The following ZFHX3 variants were observed in gnomAD, a reference collection of about 807,000 sequenced individuals.
The protein encoded by ZFHX3 is zinc finger homeobox protein 3.
Under a neutral mutation model 279.1 loss-of-function variants are expected in ZFHX3, and 42 were observed. That is an observed-to-expected ratio of 0.15 (90% CI 0.12 to 0.19). The LOEUF (loss-of-function observed/expected upper bound fraction) is 0.19, where lower values mean the gene tolerates loss of function less well. Ranked by LOEUF, ZFHX3 falls within the 10% of genes least tolerant of loss-of-function variation. The pLI is 1.00. For synonymous variants in ZFHX3, 2,293 were observed against 1,957.8 expected (o/e 1.17, Z -4.52); for missense variants, 4,981 against 4,754.0 (o/e 1.05, Z -1.40).
At chr16:73,403,763 A>G (rs2017305125) in intron 3 of ZFHX3, among the ~76,000 whole-genome samples, 1 of 152,168 alleles carries the variant, frequency 6.6e-6, no homozygotes. Flanking sequence ...GACAGTGAGC[A>G]GTGTTTGTCT....
chr16:72,804,649 A>T (rs1365760037), intron 7 of ZFHX3, among the ~76,000 whole-genome samples: 1 of 152,160 alleles, frequency 6.6e-6, no homozygotes, highest in Non-Finnish European at 1.5e-5. Flanking sequence ...CTAAAGCCTC[A>T]AGGGCACACC....
intron 1 of ZFHX3, among the ~76,000 whole-genome samples, chr16:73,868,027 T>C (rs544256869): frequency 3.3e-5 from 5 of 152,158 alleles, no homozygotes; most frequent in Admixed American, 6.5e-5. Flanking sequence ...CCCTCGGAGC[T>C]CCCTTCTCCT....
intron 5 of ZFHX3, among the ~76,000 whole-genome samples, chr16:73,206,904 G>C (rs899593476): frequency 6.6e-6 from 1 of 151,908 alleles, no homozygotes; most frequent in Non-Finnish European, 1.5e-5. Flanking sequence ...TGTAGTTGCA[G>C]CTACTTGGGA....
chr16:72,864,756 A>G (rs778566169), intron 4 of ZFHX3, among the ~76,000 whole-genome samples: 2 of 152,200 alleles, frequency 1.3e-5, no homozygotes, highest in Admixed American at 6.5e-5. Context: ...GCTATGGCCT[A>G]TATCAGAATC....
intron 5 of ZFHX3, among the ~76,000 whole-genome samples, chr16:73,159,351 C>T (rs958166596): frequency 1.3e-5 from 2 of 152,184 alleles, no homozygotes; most frequent in African/African-American, 4.8e-5. Context: ...GTGGTGCCCT[C>T]TCACAGACTC....
Position 72,802,743 on chromosome 16 carries a change from G to A in ZFHX3, c.3865-2614C>T, listed in dbSNP as rs139039192. ...CAGGCTACTGGAGGGCCCCATGTCA[G>A]TTCTCAGACACTAACGTTCCCTTTG... On this transcript the variant is annotated intron_variant, in intron 7 of 9. Transcript: ENST00000268489. Among the ~76,000 whole-genome samples the A allele has an allele frequency of 2.0e-3, 305 of 152,280 alleles. 1 individual carries two copies. The highest frequency in any genetic ancestry group is 3.5e-3 in the Non-Finnish European group (241 of 68,016).
At chr16:73,279,992 CA>C (rs1347004700) in intron 4 of ZFHX3, among the ~76,000 whole-genome samples, 5 of 152,170 alleles carry the variant, frequency 3.3e-5, no homozygotes. Flanking sequence ...TAAATTTTAA[CA>C]AGAGTACCAA....
At chr16:72,852,680 T>TA (rs1567548199) in intron 4 of ZFHX3, among the ~76,000 whole-genome samples, 1 of 152,206 alleles carries the variant, frequency 6.6e-6, no homozygotes, top group Admixed American at 6.5e-5. Flanking sequence ...GTTCCTTTTA[T>TA]AAAAAGTTTC....
At chr16:73,176,492 T>C (rs141329693) in intron 5 of ZFHX3, among the ~76,000 whole-genome samples, 1 of 152,276 alleles carries the variant, frequency 6.6e-6, no homozygotes, top group Non-Finnish European at 1.5e-5. Context: ...GAGGAGTAAC[T>C]TGACCTGTCC....
At chr16:73,697,512 T>C (rs2053208585) in intron 1 of ZFHX3, among the ~76,000 whole-genome samples, 1 of 152,210 alleles carries the variant, frequency 6.6e-6, no homozygotes, top group Non-Finnish European at 1.5e-5. Context: ...AGTTGCTATA[T>C]ACCTGACAAT....
intron 1 of ZFHX3, among the ~76,000 whole-genome samples, chr16:73,772,870 A>C (rs1229345495): frequency 6.6e-6 from 1 of 152,190 alleles, no homozygotes; most frequent in Non-Finnish European, 1.5e-5. Flanking sequence ...CTTTGGGAGA[A>C]TCTCCAGGCA....
chr16:73,481,190 A>G (rs1023537951), intron 2 of ZFHX3, among the ~76,000 whole-genome samples: 1 of 152,112 alleles, frequency 6.6e-6, no homozygotes, highest in Non-Finnish European at 1.5e-5. Flanking sequence ...TTAGCTAGGC[A>G]TGGTGGTACC....
At chr16:73,107,578 C>A (rs73591197) in intron 7 of ZFHX3, among the ~76,000 whole-genome samples, 2 of 151,792 alleles carry the variant, frequency 1.3e-5, no homozygotes, top group Non-Finnish European at 2.9e-5. Context: ...TCCTCCACAT[C>A]ACTCCTGTGC....
chr16:73,841,365 G>T (rs1466054572), intron 1 of ZFHX3, among the ~76,000 whole-genome samples: 1 of 152,172 alleles, frequency 6.6e-6, no homozygotes, highest in Non-Finnish European at 1.5e-5. Context: ...CACAGCAGGG[G>T]TTCAGTGAAC....
intron 2 of ZFHX3, among the ~76,000 whole-genome samples, chr16:73,607,005 C>CAACAACAACAAA (rs1351076762): frequency 5.9e-5 from 9 of 152,020 alleles, no homozygotes; most frequent in African/African-American, 1.9e-4. Flanking sequence ...ACAACAACAA[C>CAACAACAACAAA]AAAAACAAAT....
intron 3 of ZFHX3, among the ~76,000 whole-genome samples, chr16:73,353,807 G>C (rs2016289733): frequency 6.6e-6 from 1 of 152,072 alleles, no homozygotes; most frequent in Admixed American, 6.5e-5. Flanking sequence ...GAGGAGATAG[G>C]AAAAAGATAA....
At chr16:72,978,446 A>C (rs921531101) in intron 1 of ZFHX3, among the ~76,000 whole-genome samples, 1 of 152,150 alleles carries the variant, frequency 6.6e-6, no homozygotes, top group Admixed American at 6.5e-5. Flanking sequence ...TTCCATTAGA[A>C]GAAAACTTGC....
intron 3 of ZFHX3, among the ~76,000 whole-genome samples, chr16:73,366,866 G>A (rs983039444): frequency 6.6e-6 from 1 of 152,148 alleles, no homozygotes; most frequent in African/African-American, 2.4e-5. Flanking sequence ...CACAGAGAAT[G>A]TTCATTTTTG....
intron 7 of ZFHX3, among the ~76,000 whole-genome samples, chr16:73,123,823 C>G (rs1305029266): frequency 6.6e-6 from 1 of 151,982 alleles, no homozygotes; most frequent in Non-Finnish European, 1.5e-5. Flanking sequence ...ATAGAAGAGG[C>G]CTGGGGGAGC....
Sources: gnomAD v4.1 joint callset for allele counts (sites outside exome capture counted in the v4.1 genomes callset) on GRCh38, gnomAD v4.1.1 for gene constraint, MANE v1.5 for transcripts, NCBI Gene and HGNC (gene_info 2026-07-23, HGNC 2026-07-21) for gene names.